The following PIBF1 variants were observed in gnomAD, a reference collection of about 807,000 sequenced individuals.
The protein encoded by PIBF1 is progesterone-induced-blocking factor 1.
Under a neutral mutation model 112.5 loss-of-function variants are expected in PIBF1, and 90 were observed. The observed-to-expected ratio is 0.80, with a 90% CI of 0.67 to 0.95. PIBF1 has a LOEUF of 0.95. Among genes scored for constraint, PIBF1 ranks in the 40% least tolerant of loss-of-function variants. The probability of loss-of-function intolerance (pLI) is 0.00; values close to 1 mark genes in which losing one functional copy is unlikely to be tolerated. For missense variants in PIBF1, 915 were observed against 852.3 expected, an observed-to-expected ratio of 1.07 and a Z score of -0.92; for synonymous variants, 301 against 288.6, an observed-to-expected ratio of 1.04 and a Z score of -0.44.
At chr13:72,883,240 G>A (rs967576352) in intron 10 of PIBF1, among the ~76,000 whole-genome samples, 2 of 152,120 alleles carry the variant, frequency 1.3e-5, no homozygotes, top group Non-Finnish European at 2.9e-5. Flanking sequence ...GGCACAATAA[G>A]ACAAACTTTG....
chr13:72,817,570 C>G (rs1182036170), intron 5 of PIBF1, among the ~76,000 whole-genome samples: 3 of 152,160 alleles, frequency 2.0e-5, no homozygotes, highest in Non-Finnish European at 4.4e-5. Flanking sequence ...AGAAAACTTC[C>G]TTAGAGTTTT....
intron 13 of PIBF1, among the ~76,000 whole-genome samples, chr13:72,920,147 G>A (rs1594198160): frequency 6.6e-6 from 1 of 152,098 alleles, no homozygotes; most frequent in African/African-American, 2.4e-5. Context: ...AGGATTTAAG[G>A]AACCACAACT....
In PIBF1 at chr13:72,796,929, G is replaced by C. The variant is rs75745377; in HGVS notation, c.553-978G>C. Among the ~76,000 whole-genome samples, 1,054 of 152,130 alleles carry C rather than the reference G, an allele frequency of 6.9e-3. 15 individuals carry two copies. Among genetic ancestry groups the C allele is most frequent in the African/African-American group, 0.025 (1,017 of 41,504 alleles). ...AAGATTTGCCTCTTACCAAATAATG[G>C]TATTCTTGTAATACCGTCATATGTT... On this transcript the variant is annotated intron_variant, in intron 4 of 17. Coordinates refer to ENST00000326291, the MANE Select transcript of PIBF1 (RefSeq NM_006346.4).
At chr13:73,008,483 T>C (rs977577408) in intron 17 of PIBF1, among the ~76,000 whole-genome samples, 2 of 152,206 alleles carry the variant, frequency 1.3e-5, no homozygotes, top group African/African-American at 4.8e-5. Context: ...CTGAAAGGCT[T>C]CTGTCACAGC....
At chr13:72,912,364 C>T (rs2040924433) in intron 12 of PIBF1, among the ~76,000 whole-genome samples, 1 of 151,762 alleles carries the variant, frequency 6.6e-6, no homozygotes, top group East Asian at 1.9e-4. Context: ...AAAACATGGG[C>T]AAAAGGTTTA....
intron 11 of PIBF1, among the ~76,000 whole-genome samples, chr13:72,898,770 C>T (rs1212664974): frequency 6.7e-6 from 1 of 150,300 alleles, no homozygotes; most frequent in African/African-American, 2.5e-5. Context: ...ATTGTTGGAG[C>T]TTGGGAGGCA....
At chr13:72,908,864 C>T (rs1032443394) in intron 12 of PIBF1, among the ~76,000 whole-genome samples, 183 bp downstream of exon 12, 46 of 151,056 alleles carry the variant, frequency 3.0e-4, no homozygotes, top group African/African-American at 1.0e-3. Context: ...GCCTGGCCAA[C>T]GTGACAAAAC....
chr13:72,967,598 GATA>G (rs930501188), intron 15 of PIBF1, among the ~76,000 whole-genome samples: 2 of 152,062 alleles, frequency 1.3e-5, no homozygotes, highest in Non-Finnish European at 2.9e-5. Context: ...CTGAATAAGG[GATA>G]ATATTTCTTT....
intron 2 of PIBF1, among the ~76,000 whole-genome samples, chr13:72,791,637 AT>A (rs552617725): frequency 0.11 from 15,581 of 146,928 alleles, 1,065 homozygotes; most frequent in Non-Finnish European, 0.16. Flanking sequence ...TAGGAAAATA[AT>A]TTTTTTTTTT....
intron 5 of PIBF1, among the ~76,000 whole-genome samples, chr13:72,817,501 C>T (rs978750352): frequency 1.3e-5 from 2 of 152,084 alleles, no homozygotes; most frequent in Non-Finnish European, 2.9e-5. Context: ...CCTCCTCTTC[C>T]ACAGACATTA....
chr13:72,946,821 G>A (rs966225600), intron 14 of PIBF1, among the ~76,000 whole-genome samples: 4 of 152,212 alleles, frequency 2.6e-5, no homozygotes, highest in South Asian at 2.1e-4. Flanking sequence ...GGGCTCCCAC[G>A]GTCTTGGGCA....
chr13:72,893,743 C>G (rs1237277860), intron 10 of PIBF1, 41 bp from the exon 11 acceptor site: 1 of 1,307,882 alleles, frequency 7.6e-7, no homozygotes, highest in Non-Finnish European at 1.0e-6. Flanking sequence ...ATCATTGAGA[C>G]TGCTTTCTTT....
At chr13:72,874,774 T>G (rs2039322939) in intron 10 of PIBF1, among the ~76,000 whole-genome samples, 1 of 152,216 alleles carries the variant, frequency 6.6e-6, no homozygotes, top group Admixed American at 6.5e-5. Flanking sequence ...GGCTGTTTAT[T>G]TTTTAGAGCA....
At chr13:72,960,978 A>G (rs1378398891) in intron 14 of PIBF1, among the ~76,000 whole-genome samples, 1 of 151,494 alleles carries the variant, frequency 6.6e-6, no homozygotes, top group African/African-American at 2.4e-5. Context: ...TTTCACTATA[A>G]TGAAATGTGT....
chr13:72,990,777 G>A (rs1483532374), intron 16 of PIBF1, among the ~76,000 whole-genome samples: 1 of 151,964 alleles, frequency 6.6e-6, no homozygotes, highest in Non-Finnish European at 1.5e-5. Flanking sequence ...GAACCCGGGA[G>A]GTGGAGGTTG....
chr13:72,822,105 C>G (rs889919215), intron 6 of PIBF1, 123 bp downstream of exon 6: 1 of 825,816 alleles, frequency 1.2e-6, no homozygotes, highest in African/African-American at 1.8e-5. Context: ...TGCACAAATG[C>G]ATGCAGTTTT....
intron 5 of PIBF1, among the ~76,000 whole-genome samples, chr13:72,798,428 A>G (rs1190285062): frequency 6.6e-6 from 1 of 152,210 alleles, no homozygotes; most frequent in East Asian, 1.9e-4. Flanking sequence ...AGGCCAAGCT[A>G]TGCAGGGGAT....
chr13:72,898,862 AAAAAT>A (rs1170684600), intron 11 of PIBF1, among the ~76,000 whole-genome samples: 2 of 151,802 alleles, frequency 1.3e-5, no homozygotes, highest in Non-Finnish European at 2.9e-5. Context: ...AAAAAAAAAA[AAAAAT>A]TGATAGACCA....
chr13:72,979,924 C>CA (rs1210219352), intron 16 of PIBF1, among the ~76,000 whole-genome samples: 1 of 150,534 alleles, frequency 6.6e-6, no homozygotes, highest in Non-Finnish European at 1.5e-5. Flanking sequence ...GACTCTGTCT[C>CA]AAAAAAAGAA....
Sources: allele counts gnomAD v4.1 joint callset (sites outside exome capture counted in the v4.1 genomes callset), GRCh38; gene constraint gnomAD v4.1.1; transcripts MANE v1.5; gene names NCBI Gene and HGNC (gene_info 2026-07-23, HGNC 2026-07-21).